The following ZC3H12B variants were observed in gnomAD, a reference collection of about 807,000 sequenced individuals.
ZC3H12B encodes the protein probable ribonuclease ZC3H12B.
A neutral mutation model predicts 43.9 loss-of-function variants in ZC3H12B; 7 were observed. The ratio of observed to expected loss-of-function variants is 0.16; its 90% CI spans 0.09 to 0.30. ZC3H12B has a LOEUF of 0.30. ZC3H12B is among the 10% of genes least tolerant of loss of function. The pLI, the probability that ZC3H12B is intolerant of heterozygous loss-of-function variation, is 1.00. For missense variants in ZC3H12B, 475 were observed against 670.2 expected (o/e 0.71, Z 3.22); for synonymous variants, 222 against 241.7 (o/e 0.92, Z 0.76).
At chrX:65,096,297 T>C in the ZC3H12B span, among the ~76,000 whole-genome samples, 48 of 111,064 alleles carry the variant, frequency 4.3e-4, no homozygotes, top group Non-Finnish European at 8.1e-4. Context: ...GGGTTAATGA[T>C]GCAGCTAACC....
the ZC3H12B span, among the ~76,000 whole-genome samples, chrX:65,130,232 G>A: frequency 1.8e-5 from 2 of 111,116 alleles, no homozygotes; most frequent in East Asian, 5.7e-4. Context: ...GGGTATGAAG[G>A]TTTTACTGAA....
chrX:65,139,527 A>T, the ZC3H12B span, among the ~76,000 whole-genome samples: 5 of 111,695 alleles, frequency 4.5e-5, no homozygotes, highest in Non-Finnish European at 7.5e-5. Flanking sequence ...TGATGTCTCC[A>T]GCTTTGTAAT....
intron 3 of ZC3H12B, among the ~76,000 whole-genome samples, chrX:65,410,430 T>C (rs1400945100): frequency 9.0e-6 from 1 of 111,674 alleles, no homozygotes; most frequent in East Asian, 2.8e-4. Context: ...CAATATCCCT[T>C]AAGCACAGGC....
chrX:65,055,097 C>T, the ZC3H12B span, among the ~76,000 whole-genome samples: 35 of 111,093 alleles, frequency 3.2e-4, no homozygotes, highest in Non-Finnish European at 6.0e-4. Context: ...TGCCTGATTG[C>T]GCTGGCCAGA....
the ZC3H12B span, among the ~76,000 whole-genome samples, chrX:65,150,547 T>C: frequency 1.8e-5 from 2 of 109,816 alleles, no homozygotes; most frequent in Non-Finnish European, 3.8e-5. Flanking sequence ...GTCCATGTAT[T>C]CTGATTGTTC....
the ZC3H12B span, among the ~76,000 whole-genome samples, chrX:65,201,569 A>AT: frequency 4.0e-4 from 37 of 93,461 alleles, no homozygotes; most frequent in Non-Finnish European, 7.6e-4. Context: ...GATCTTGGTT[A>AT]TTTTTTTGTC....
At chrX:65,054,152 C>T in the ZC3H12B span, among the ~76,000 whole-genome samples, 1 of 111,716 alleles carries the variant, frequency 9.0e-6, no homozygotes, top group South Asian at 3.7e-4. Context: ...GTTGCCATTG[C>T]TTTTGGTGTT....
the ZC3H12B span, among the ~76,000 whole-genome samples, chrX:65,315,306 A>G: frequency 8.9e-6 from 1 of 112,266 alleles, no homozygotes; most frequent in African/African-American, 3.2e-5. Context: ...TAGCATATGT[A>G]GAAGTAAAAT....
chrX:65,069,252 A>G, the ZC3H12B span, among the ~76,000 whole-genome samples: 2 of 104,367 alleles, frequency 1.9e-5, no homozygotes, highest in Admixed American at 1.1e-4. Context: ...TTTAAGGCCA[A>G]TAACTGTTAG....
chrX:65,068,463 T>C, the ZC3H12B span, among the ~76,000 whole-genome samples: 2 of 111,838 alleles, frequency 1.8e-5, no homozygotes, highest in African/African-American at 6.5e-5. Flanking sequence ...CTTAACACTC[T>C]GCATAAAAAA....
chrX:65,128,401 G>C, the ZC3H12B span, among the ~76,000 whole-genome samples: 1 of 111,807 alleles, frequency 8.9e-6, no homozygotes, highest in Non-Finnish European at 1.9e-5. Flanking sequence ...TTTCTAGATT[G>C]ATTTCATTGT....
chrX:65,460,394 T>C (rs775968801), intron 3 of ZC3H12B, among the ~76,000 whole-genome samples: 1 of 112,086 alleles, frequency 8.9e-6, no homozygotes, highest in Admixed American at 9.5e-5. Context: ...ACAGCCTGCA[T>C]TGCCAAGTGA....
At chrX:65,375,967 G>C (rs941536959) in intron 2 of ZC3H12B, among the ~76,000 whole-genome samples, 6 of 112,155 alleles carry the variant, frequency 5.3e-5, no homozygotes, top group Admixed American at 1.9e-4. Flanking sequence ...TTGGCCACAG[G>C]AGGGTAGAGT....
chrX:65,413,642 C>T (rs1025948145), intron 3 of ZC3H12B, among the ~76,000 whole-genome samples: 1 of 112,280 alleles, frequency 8.9e-6, no homozygotes, highest in Non-Finnish European at 1.9e-5. Context: ...GGTCTATATG[C>T]TTAGTTTTAT....
the ZC3H12B span, among the ~76,000 whole-genome samples, chrX:65,148,324 T>C: frequency 9.0e-6 from 1 of 111,016 alleles, no homozygotes; most frequent in Non-Finnish European, 1.9e-5. Flanking sequence ...AGACTGTAAT[T>C]GCAGAGCTAG....
At chrX:65,052,523 A>C in the ZC3H12B span, among the ~76,000 whole-genome samples, 1 of 111,091 alleles carries the variant, frequency 9.0e-6, no homozygotes, top group South Asian at 3.9e-4. Flanking sequence ...TAAGTGAAAA[A>C]ATGTTATGTT....
At chrX:65,075,384 G>A in the ZC3H12B span, among the ~76,000 whole-genome samples, 6 of 112,411 alleles carry the variant, frequency 5.3e-5, no homozygotes, top group East Asian at 5.6e-4. Context: ...CTCCCTGAGG[G>A]AGAAGCCTTT....
At chrX:65,108,644 A>C in the ZC3H12B span, among the ~76,000 whole-genome samples, 126 of 111,072 alleles carry the variant, frequency 1.1e-3, no homozygotes, top group African/African-American at 4.0e-3. Context: ...TAACTTAAAA[A>C]AAAAAAAACT....
At chrX:65,320,224 C>T in the ZC3H12B span, among the ~76,000 whole-genome samples, 1 of 111,661 alleles carries the variant, frequency 9.0e-6, no homozygotes, top group Admixed American at 9.5e-5. Flanking sequence ...GATCAGTGTA[C>T]AAAAATTACT....
Sources: gnomAD v4.1 joint callset for allele counts (sites outside exome capture counted in the v4.1 genomes callset) on GRCh38, gnomAD v4.1.1 for gene constraint, MANE v1.5 for transcripts, NCBI Gene and HGNC (gene_info 2026-07-23, HGNC 2026-07-21) for gene names.